Variants in CDH23 observed in about 807,000 individuals in gnomAD.
The protein encoded by CDH23 is cadherin-23.
CDH23 carries 189 observed loss-of-function variants against 317.1 expected under a neutral mutation model. The ratio of observed to expected loss-of-function variants is 0.60; its 90% CI spans 0.53 to 0.67. The LOEUF (loss-of-function observed/expected upper bound fraction) is 0.67, where lower values mean the gene tolerates loss of function less well. Among genes scored for constraint, CDH23 ranks in the 30% least tolerant of loss-of-function variants. The pLI is 0.00. For synonymous variants in CDH23, 1,839 were observed against 1,876.8 expected (o/e 0.98, Z 0.52); for missense variants, 4,401 against 4,592.4 (o/e 0.96, Z 1.20).
At chr10:71,545,392 G>T (rs1465385323) in intron 6 of CDH23, among the ~76,000 whole-genome samples, 1 of 152,138 alleles carries the variant, frequency 6.6e-6, no homozygotes, top group East Asian at 1.9e-4. Flanking sequence ...ACTTTCTCGG[G>T]CTGTCTTCAG....
At position 71,617,188 on chromosome 10, in the gene CDH23, C is replaced by A. The variant is rs540062456; in HGVS notation, c.946-17C>A. The A allele has an allele frequency of 1.2e-6, 2 of 1,604,420 alleles. No individual in the cohort carries two copies. Among genetic ancestry groups the A allele is most frequent in the African/African-American group, 2.7e-5 (2 of 74,888 alleles). On this transcript the variant is annotated splice_polypyrimidine_tract_variant and intron_variant, in intron 10 of 69. Coordinates refer to ENST00000224721, the MANE Select transcript of CDH23 (RefSeq NM_022124.6). ...ATTAGCTGCCTTCACTCCGGGGTGA[C>A]TGATCTCTGTCCATAGGGCACGGAG... is the stretch of plus-strand genomic sequence containing the variant.
At chr10:71,530,301 C>T (rs1855296671) in intron 6 of CDH23, among the ~76,000 whole-genome samples, 1 of 152,208 alleles carries the variant, frequency 6.6e-6, no homozygotes, top group Non-Finnish European at 1.5e-5. Flanking sequence ...GAGAGAGAGG[C>T]CCACCTTTCC....
At chr10:71,401,437 T>C (rs1847777955) in intron 1 of CDH23, among the ~76,000 whole-genome samples, 1 of 152,222 alleles carries the variant, frequency 6.6e-6, no homozygotes, top group Non-Finnish European at 1.5e-5. Context: ...GGCTTATCCC[T>C]GGGTGATGGT....
intron 1 of CDH23, among the ~76,000 whole-genome samples, chr10:71,436,506 A>G (rs188428882): frequency 2.0e-5 from 3 of 152,324 alleles, no homozygotes; most frequent in Non-Finnish European, 2.9e-5. Flanking sequence ...GCATGGTGTG[A>G]TGGAAACATC....
At chr10:71,763,873 G>A (rs1462627821) in intron 38 of CDH23, among the ~76,000 whole-genome samples, 2 of 152,168 alleles carry the variant, frequency 1.3e-5, no homozygotes, top group Non-Finnish European at 2.9e-5. Context: ...GCTAAGGTGT[G>A]AATGACTGAT....
intron 9 of CDH23, among the ~76,000 whole-genome samples, chr10:71,596,754 A>G (rs558974561): frequency 6.6e-6 from 1 of 152,330 alleles, no homozygotes; most frequent in South Asian, 2.1e-4. Context: ...CAAGTTGCAG[A>G]AAGTGCTGGA....
At chr10:71,779,211 G>A (rs1270812672) in intron 40 of CDH23, 56 bp from the exon 41 acceptor site, 4 of 1,534,088 alleles carry the variant, frequency 2.6e-6, no homozygotes, top group Non-Finnish European at 2.7e-6. Flanking sequence ...AGGAACTGAG[G>A]CCCAGCACAA....
chr10:71,696,448 CAGACTT>C (rs1204252356), intron 22 of CDH23, among the ~76,000 whole-genome samples: 3 of 152,234 alleles, frequency 2.0e-5, no homozygotes, highest in Non-Finnish European at 4.4e-5. Flanking sequence ...GTGGAGGAGA[CAGACTT>C]AGAGCTTAAA....
chr10:71,498,169 C>T (rs1202528956), intron 3 of CDH23, among the ~76,000 whole-genome samples: 2 of 152,208 alleles, frequency 1.3e-5, no homozygotes, highest in Non-Finnish European at 2.9e-5. Flanking sequence ...CATGGTCACA[C>T]AGCTAGTCCT....
chr10:71,500,805 TTTTC>T (rs776653254), intron 3 of CDH23, among the ~76,000 whole-genome samples: 1 of 141,968 alleles, frequency 7.0e-6, no homozygotes, highest in Non-Finnish European at 1.5e-5. Flanking sequence ...TTTTCTTTTC[TTTTC>T]TTTTCTTTTC....
intron 55 of CDH23, among the ~76,000 whole-genome samples, chr10:71,804,244 TAC>T (rs1841645575): frequency 6.6e-6 from 1 of 152,168 alleles, no homozygotes; most frequent in Admixed American, 6.5e-5. Flanking sequence ...TTCCTGCTGA[TAC>T]AGTGTGGAGA....
chr10:71,465,929 C>T (rs1851231175), intron 3 of CDH23, among the ~76,000 whole-genome samples: 1 of 151,836 alleles, frequency 6.6e-6, no homozygotes, highest in African/African-American at 2.4e-5. Context: ...TAATTTTTCT[C>T]CGGAGGGTGG....
chr10:71,650,008 C>T (rs12259536), intron 14 of CDH23, among the ~76,000 whole-genome samples: 33,380 of 152,130 alleles, frequency 0.22, 3,942 homozygotes, highest in Non-Finnish European at 0.27. Flanking sequence ...CCAGAAGGTT[C>T]TATGTGGGAC....
chr10:71,709,099 T>C lies in CDH23; in HGVS notation c.3108T>C (p.Gly1036=), dbSNP rs1342625085. 1 of 1,613,444 alleles carries C rather than the reference T, an allele frequency of 6.2e-7. No individual in the cohort carries two copies. The highest frequency in any genetic ancestry group is 8.5e-7 in the Non-Finnish European group (1 of 1,179,738). The stretch of plus-strand genomic sequence containing the variant: ...AAGCTTCCTCTCCTTCACCCACAGG[T>C]GGCAACGTGGATGGGAAGTTCAGCG... ...LNAELSYFIT[G]GNVDGKFSVG... is the part of the protein sequence containing the mutation. Residue 1036 remains glycine, a splice_region_variant and synonymous_variant, in exon 27 of 70, where the codon GGT becomes GGC. Transcript: ENST00000224721.
intron 19 of CDH23, among the ~76,000 whole-genome samples, chr10:71,689,974 T>A (rs1865125977): frequency 6.6e-6 from 1 of 152,158 alleles, no homozygotes; most frequent in African/African-American, 2.4e-5. Flanking sequence ...AGTCAGGATT[T>A]CACGGAACTG....
rs372627407 is a variant in CDH23 at position 71,459,085 on chromosome 10, C to CTTTTTTTTTTTTTTT, written c.145+12694_145+12708dup. 4.9e-5 allele frequency among the ~76,000 whole-genome samples: 5 copies of CTTTTTTTTTTTTTTT among 102,600 alleles called. 1 individual carries two copies. The highest frequency in any genetic ancestry group is 7.5e-5 in the Non-Finnish European group (4 of 53,320). The allele number at this position is 102,600 out of a possible 152,430, so 67.3% of individuals were successfully genotyped here. ...ACAGGTGTGAGCCACCACACCTGGC[C>CTTTTTTTTTTTTTTT]TTTTTTTTTTTTTTTTTTGTGAGAT... On this transcript the variant is annotated intron_variant, in intron 3 of 69. Coordinates refer to ENST00000224721, the MANE Select transcript of CDH23 (RefSeq NM_022124.6).
chr10:71,802,989 G>A lies in CDH23; in HGVS notation c.7574G>A (p.Gly2525Asp), dbSNP rs1317005883. The change falls in exon 54 of 70, where the codon GGC (glycine) becomes GAC (aspartate). Residue 2525 changes from glycine to aspartate, a missense_variant. Transcript: ENST00000224721. The stretch of plus-strand genomic sequence containing the variant: ...AGCGTGTATGAGAATGAGCCGGCGG[G>A]CACCTCGGTCATCACCATGATGGCC... Reference protein sequence around the residue: ...STSVYENEPAGTSVITMMATD... With the variant: ...STSVYENEPADTSVITMMATD... The A allele has an allele frequency of 6.2e-7, 1 of 1,613,866 alleles. No individual in the cohort carries two copies. The highest frequency in any genetic ancestry group is 8.5e-7 in the Non-Finnish European group (1 of 1,179,880).
intron 8 of CDH23, among the ~76,000 whole-genome samples, chr10:71,576,386 G>A (rs982627680): frequency 1.5e-4 from 23 of 152,168 alleles, no homozygotes; most frequent in Non-Finnish European, 4.4e-5. Context: ...GGTGAGGTGG[G>A]GGGTGCCCCT....
chr10:71,622,199 T>G (rs1256675246), intron 11 of CDH23, among the ~76,000 whole-genome samples: 1 of 152,092 alleles, frequency 6.6e-6, no homozygotes, highest in East Asian at 1.9e-4. Context: ...CTCACCCACC[T>G]GGAGTCCTAT....
Sources: allele counts gnomAD v4.1 joint callset (sites outside exome capture counted in the v4.1 genomes callset), GRCh38; gene constraint gnomAD v4.1.1; transcripts MANE v1.5; gene names NCBI Gene and HGNC (gene_info 2026-07-23, HGNC 2026-07-21).